Variants in SUSD4 observed in about 807,000 individuals in gnomAD.
SUSD4 encodes the protein sushi domain containing 4.
A neutral mutation model predicts 50.5 loss-of-function variants in SUSD4; 41 were observed. The observed-to-expected ratio is 0.81, with a 90% CI of 0.63 to 1.05. The LOEUF (loss-of-function observed/expected upper bound fraction) is 1.05, where lower values mean the gene tolerates loss of function less well. SUSD4 is among the 50% of genes least tolerant of loss of function. The probability of loss-of-function intolerance (pLI) is 0.00; values close to 1 mark genes in which losing one functional copy is unlikely to be tolerated. For missense variants in SUSD4, 580 were observed against 634.7 expected, an observed-to-expected ratio of 0.91 and a Z score of 0.93; for synonymous variants, 257 against 257.3, an observed-to-expected ratio of 1.00 and a Z score of 0.01.
chr1:223,297,493 C>T (rs72745910), intron 2 of SUSD4, among the ~76,000 whole-genome samples: 1 of 152,218 alleles, frequency 6.6e-6, no homozygotes, highest in Non-Finnish European at 1.5e-5. Context: ...AGGAAGGTGA[C>T]CCAGGCCCTG....
chr1:223,268,011 TTTTATATATA>T lies in SUSD4; in HGVS notation c.535+481_535+490del, dbSNP rs1320704727. Among the ~76,000 whole-genome samples the T allele has an allele frequency of 7.8e-4, 6 of 7,664 alleles. 1 individual carries two copies. In the East Asian group the frequency reaches 0.049, roughly 62 times the overall value. 5.0% of individuals were successfully genotyped at this position (7,664 alleles called of 152,430 possible). A position where few individuals can be genotyped will look rare whatever the true frequency, so the allele number is the denominator to read the frequency against. ...ATAATTTTTCTGCTCTTCATGCATT[TTTTATATATA>T]TATATATATATATATATATATACAC... On this transcript the variant is annotated intron_variant, in intron 4 of 8. Transcript: ENST00000366878.
intron 2 of SUSD4, among the ~76,000 whole-genome samples, chr1:223,334,450 T>C (rs1422457257): frequency 6.6e-6 from 1 of 152,124 alleles, no homozygotes; most frequent in Non-Finnish European, 1.5e-5. Context: ...GAAGAATATT[T>C]TTTAAATTCC....
Position 223,220,934 on chromosome 1 carries a change from T to C in SUSD4, c.*1258A>G, listed in dbSNP as rs1659107623. The C allele has an allele frequency of 2.5e-6, 1 of 400,176 alleles. No homozygotes were observed. Among genetic ancestry groups the C allele is most frequent in the Admixed American group, 4.4e-5 (1 of 22,724 alleles). 24.8% of individuals were successfully genotyped at this position (400,176 alleles called of 1,614,324 possible). A position where few individuals can be genotyped will look rare whatever the true frequency, so the allele number is the denominator to read the frequency against. ...GCATAGCAATTTTAAGGATCAGAGCTTTGTTTACATTTGTCTAAAACCAAG... is the reference window on the plus strand; with the variant it reads ...GCATAGCAATTTTAAGGATCAGAGCCTTGTTTACATTTGTCTAAAACCAAG... On this transcript the variant is annotated 3_prime_UTR_variant, in exon 9 of 9. Transcript: ENST00000366878.
chr1:223,305,038 G>A (rs998398650), intron 2 of SUSD4, among the ~76,000 whole-genome samples: 17 of 151,556 alleles, frequency 1.1e-4, no homozygotes. Context: ...ATTGAACTTA[G>A]GAGCAATAAC....
intron 2 of SUSD4, among the ~76,000 whole-genome samples, chr1:223,343,187 A>T (rs2103305541): frequency 6.6e-6 from 1 of 152,024 alleles, no homozygotes; most frequent in East Asian, 1.9e-4. Context: ...CTGAGAACAC[A>T]CTCTCCCTTG....
intron 2 of SUSD4, among the ~76,000 whole-genome samples, chr1:223,339,302 C>T (rs915504409): frequency 1.3e-5 from 2 of 152,020 alleles, no homozygotes; most frequent in African/African-American, 4.8e-5. Flanking sequence ...AACAGTGAGT[C>T]GGAGATGAGG....
intron 2 of SUSD4, among the ~76,000 whole-genome samples, chr1:223,361,893 G>A (rs969105828): frequency 2.6e-5 from 4 of 152,208 alleles, no homozygotes; most frequent in African/African-American, 4.8e-5. Context: ...TGGTGTCCAC[G>A]GCAGATTAGA....
At position 223,221,060 on chromosome 1, in the gene SUSD4, C is replaced by T. The variant is rs916889971; in HGVS notation, c.*1132G>A. On this transcript the variant is annotated 3_prime_UTR_variant, in exon 9 of 9. Transcript: ENST00000366878. ...ATCAATCAGTTTCTTAGGAACAACA[C>T]CCAGTGGGCATGATGAGACCCTCAA... 1 of 400,832 alleles carries T rather than the reference C, an allele frequency of 2.5e-6. No homozygotes were observed. Among genetic ancestry groups the T allele is most frequent in the Non-Finnish European group, 4.4e-6 (1 of 226,248 alleles). The allele number at this position is 400,832 out of a possible 1,614,324, so 24.8% of individuals were successfully genotyped here. A position where few individuals can be genotyped will look rare whatever the true frequency, so the allele number is the denominator to read the frequency against.
chr1:223,295,864 G>A (rs1664788510), intron 2 of SUSD4, among the ~76,000 whole-genome samples: 1 of 151,882 alleles, frequency 6.6e-6, no homozygotes. Context: ...AGACTGAGAG[G>A]TTTGAGCAGG....
In SUSD4 at chr1:223,363,445, T is replaced by G; in HGVS notation, c.-20A>C. 2 of 1,525,296 alleles carry G rather than the reference T, an allele frequency of 1.3e-6. No homozygotes were observed. Among genetic ancestry groups the G allele is most frequent in the Non-Finnish European group, 1.8e-6 (2 of 1,131,112 alleles). The allele number at this position is 1,525,296 out of a possible 1,614,324, so 94.5% of individuals were successfully genotyped here. On this transcript the variant is annotated 5_prime_UTR_variant, in exon 2 of 9. The change abolishes an upstream ATG in the 5' untranslated region. Coordinates refer to ENST00000366878, the MANE Select transcript of SUSD4 (RefSeq NM_017982.4). ...ATACATCTTTCATCCACAGAGGGCATCCAGCTTGCAAGAGTCTGCAACCAG... is the reference window on the plus strand; with the variant it reads ...ATACATCTTTCATCCACAGAGGGCAGCCAGCTTGCAAGAGTCTGCAACCAG...
At chr1:223,244,970 A>C (rs1033905140) in intron 5 of SUSD4, among the ~76,000 whole-genome samples, 9 of 152,090 alleles carry the variant, frequency 5.9e-5, no homozygotes, top group African/African-American at 2.2e-4. Flanking sequence ...AAGTCCCCTA[A>C]ATAGATGACT....
At chr1:223,252,028 T>C (rs1346468200) in intron 5 of SUSD4, among the ~76,000 whole-genome samples, 1 of 126,798 alleles carries the variant, frequency 7.9e-6, no homozygotes, top group Non-Finnish European at 1.6e-5. Context: ...ATGAGAACAC[T>C]TGGACACAGG....
At chr1:223,252,302 A>C (rs984778423) in intron 5 of SUSD4, among the ~76,000 whole-genome samples, 2 of 151,370 alleles carry the variant, frequency 1.3e-5, no homozygotes, top group East Asian at 3.9e-4. Context: ...CCATGTGAAG[A>C]CACAGACATC....
At position 223,332,703 on chromosome 1, in the gene SUSD4, C is replaced by G. The variant is rs1193706215; in HGVS notation, c.148+30575G>C. On this transcript the variant is annotated intron_variant, in intron 2 of 8. Coordinates refer to ENST00000366878, the MANE Select transcript of SUSD4 (RefSeq NM_017982.4). This position sits in a 1 kb window ranked among gnomAD's most constrained non-coding sequence, Gnocchi z 4.0. ...GGAGACAGGCATCTCCTCGGACAAG[C>G]CTCTCCTTCAGGGCGTGTGTCACAG... Among the ~76,000 whole-genome samples, 1 of 152,136 alleles carries G rather than the reference C, an allele frequency of 6.6e-6. No individual in the cohort carries two copies. Among genetic ancestry groups the G allele is most frequent in the East Asian group, 1.9e-4 (1 of 5,192 alleles).
At chr1:223,334,953 T>C (rs984143929) in intron 2 of SUSD4, among the ~76,000 whole-genome samples, 6 of 152,192 alleles carry the variant, frequency 3.9e-5, no homozygotes, top group East Asian at 3.9e-4. Flanking sequence ...CTCCCACTTA[T>C]GAGTGAGAAC....
chr1:223,274,079 C>A (rs371849411), intron 3 of SUSD4, among the ~76,000 whole-genome samples: 20 of 152,180 alleles, frequency 1.3e-4, no homozygotes, highest in African/African-American at 3.4e-4. Flanking sequence ...CCACAGAATG[C>A]TTTTTTCACT....
At chr1:223,363,534 C>G (rs1018556080) in intron 1 of SUSD4, 74 bp from the exon 2 acceptor site, 2 of 1,352,726 alleles carry the variant, frequency 1.5e-6, no homozygotes, top group Non-Finnish European at 9.7e-7. Flanking sequence ...CTCCTCCGCT[C>G]TGGGACCCGG....
At chr1:223,346,206 C>A (rs1243778818) in intron 2 of SUSD4, among the ~76,000 whole-genome samples, 1 of 152,144 alleles carries the variant, frequency 6.6e-6, no homozygotes, top group Non-Finnish European at 1.5e-5. Flanking sequence ...TGCCAAATGT[C>A]CCCTGGGGGA....
At chr1:223,266,412 G>A (rs1410024598) in intron 4 of SUSD4, among the ~76,000 whole-genome samples, 1 of 152,198 alleles carries the variant, frequency 6.6e-6, no homozygotes, top group Non-Finnish European at 1.5e-5. Flanking sequence ...ACAAGTGAGT[G>A]CCTTAGAACC....
Sources: gnomAD v4.1 joint callset for allele counts (sites outside exome capture counted in the v4.1 genomes callset) on GRCh38, gnomAD v4.1.1 for gene constraint, Gnocchi (gnomAD v3.1) non-coding constraint, MANE v1.5 for transcripts, NCBI Gene and HGNC (gene_info 2026-07-23, HGNC 2026-07-21) for gene names.